The following FAF1 variants were observed in gnomAD, a reference collection of about 807,000 sequenced individuals.
FAF1 encodes FAS-associated factor 1.
In FAF1, 25 loss-of-function variants were observed where a neutral mutation model predicts 92.5. That is an observed-to-expected ratio of 0.27 (90% CI 0.20 to 0.38). The LOEUF is 0.38. FAF1 is among the 10% of genes least tolerant of loss of function. The pLI, the probability that FAF1 is intolerant of heterozygous loss-of-function variation, is 1.00. For synonymous variants in FAF1, 234 were observed against 273.2 expected (o/e 0.86, Z 1.42); for missense variants, 636 against 793.3 (o/e 0.80, Z 2.38).
Position 50,612,785 on chromosome 1 carries a change from A to T in FAF1, c.745-16569T>A, listed in dbSNP as rs1652738619. Among the ~76,000 whole-genome samples, 3 of 152,242 alleles carry T rather than the reference A, an allele frequency of 2.0e-5. No individual in the cohort carries two copies. In the South Asian group the frequency reaches 6.2e-4, roughly 32 times the overall value. ...ACACCAGCATAAATGGGTACTATCTAGAAACAAGAAAAAGTAATTTCACCT... is the reference window on the plus strand; with the variant it reads ...ACACCAGCATAAATGGGTACTATCTTGAAACAAGAAAAAGTAATTTCACCT... On this transcript the variant is annotated intron_variant, in intron 8 of 18. Transcript: ENST00000396153.
intron 2 of FAF1, among the ~76,000 whole-genome samples, chr1:50,804,235 A>G (rs1662107170): frequency 6.6e-6 from 1 of 152,214 alleles, no homozygotes; most frequent in Non-Finnish European, 1.5e-5. Context: ...AATTCAGCTA[A>G]TACCAAAATG....
chr1:50,541,351 C>T (rs1360775613), intron 13 of FAF1, among the ~76,000 whole-genome samples: 1 of 152,116 alleles, frequency 6.6e-6, no homozygotes, highest in Non-Finnish European at 1.5e-5. Flanking sequence ...ATATCAGTGC[C>T]ACCATCAAAA....
At chr1:50,641,684 T>A (rs1654336324) in intron 8 of FAF1, among the ~76,000 whole-genome samples, 1 of 152,188 alleles carries the variant, frequency 6.6e-6, no homozygotes, top group Non-Finnish European at 1.5e-5. Context: ...TCTACAAATT[T>A]AAATTAGGCA....
rs774276657 is a variant in FAF1, at chr1:50,584,727, C to A, written c.925G>T (p.Val309Leu). Residue 309 changes from valine (V) to leucine (L), a missense_variant, in exon 10 of 19, where the codon GTA (valine) becomes TTA (leucine). By Grantham distance (32) the Val-to-Leu change is conservative. Transcript: ENST00000396153. ...AAGGCAGATGACGCCATGCCAAATA[C>A]TTCTCCATCATCCACCCCAAATTCT... ...ATEFGVDDGEVFGMASSALRK... is the reference protein window; with the variant it reads ...ATEFGVDDGELFGMASSALRK... 6.2e-7 allele frequency: 1 copy of A among 1,613,716 alleles called. No individual in the cohort carries two copies. The highest frequency in any genetic ancestry group is 8.5e-7 in the Non-Finnish European group (1 of 1,179,708).
chr1:50,742,599 A>T (rs566324309), intron 5 of FAF1, among the ~76,000 whole-genome samples: 1 of 152,186 alleles, frequency 6.6e-6, no homozygotes, highest in South Asian at 2.1e-4. Flanking sequence ...GTCCAGGCTG[A>T]TCTCAGACTC....
In FAF1 at chr1:50,836,528, T is replaced by A. The variant is rs373623036; in HGVS notation, c.114+21401A>T. Among the ~76,000 whole-genome samples the A allele has an allele frequency of 1.4e-4, 22 of 152,266 alleles. 1 individual carries two copies. The East Asian group carries it at 4.2e-3, about 29-fold the overall frequency. On this transcript the variant is annotated intron_variant, in intron 2 of 18. Coordinates refer to ENST00000396153, the MANE Select transcript of FAF1 (RefSeq NM_007051.3). ...CAGTTTATTCTTTGTGGAGATTTTG[T>A]CCCCAGCTTTTTAAAAAAATTTCCA...
chr1:50,687,140 A>G (rs1317860596), intron 7 of FAF1, among the ~76,000 whole-genome samples: 2 of 152,058 alleles, frequency 1.3e-5, no homozygotes, highest in Non-Finnish European at 2.9e-5. Flanking sequence ...GAAACTTGGC[A>G]TTTTTATATT....
At chr1:50,452,669 GTTAGGT>G (rs572865128) in intron 18 of FAF1, among the ~76,000 whole-genome samples, 19 of 152,284 alleles carry the variant, frequency 1.2e-4, no homozygotes, top group Non-Finnish European at 2.5e-4. Context: ...CTGTTTTCTG[GTTAGGT>G]TTAGAACTGT....
intron 7 of FAF1, among the ~76,000 whole-genome samples, chr1:50,687,498 C>T (rs1208255643): frequency 6.6e-6 from 1 of 152,088 alleles, no homozygotes; most frequent in African/African-American, 2.4e-5. Context: ...GCCTGTAATT[C>T]CAGCACTTTG....
At chr1:50,713,677 G>A (rs1387111527) in intron 6 of FAF1, among the ~76,000 whole-genome samples, 1 of 151,944 alleles carries the variant, frequency 6.6e-6, no homozygotes, top group Non-Finnish European at 1.5e-5. Context: ...TGTTGACCAT[G>A]CTAGTCTCCT....
intron 18 of FAF1, among the ~76,000 whole-genome samples, chr1:50,447,812 A>T (rs984944687): frequency 6.6e-6 from 1 of 152,198 alleles, no homozygotes; most frequent in African/African-American, 2.4e-5. Flanking sequence ...CCCTTCAGTT[A>T]TAGACTATGT....
intron 7 of FAF1, among the ~76,000 whole-genome samples, chr1:50,690,619 A>AC (rs1319867718): frequency 2.0e-5 from 3 of 152,146 alleles, no homozygotes; most frequent in Non-Finnish European, 2.9e-5. Flanking sequence ...AAACAAACAA[A>AC]AAAAACTGTT....
intron 1 of FAF1, among the ~76,000 whole-genome samples, chr1:50,865,764 A>C (rs1002854050): frequency 6.9e-5 from 10 of 145,780 alleles, no homozygotes; most frequent in African/African-American, 2.3e-4. Flanking sequence ...GGTGCAGCAC[A>C]CCAGCATGGC....
chr1:50,773,385 G>A (rs113858959), intron 4 of FAF1, among the ~76,000 whole-genome samples: 1 of 152,268 alleles, frequency 6.6e-6, no homozygotes, highest in African/African-American at 2.4e-5. Flanking sequence ...TTCCCTGTTC[G>A]TTGCAGGATT....
chr1:50,745,796 A>T (rs936621753), intron 4 of FAF1, among the ~76,000 whole-genome samples: 6 of 152,218 alleles, frequency 3.9e-5, no homozygotes, highest in African/African-American at 1.4e-4. Flanking sequence ...AACAGAGAGA[A>T]TTGCTACTGA....
intron 15 of FAF1, among the ~76,000 whole-genome samples, chr1:50,520,439 T>A (rs1465659327): frequency 6.6e-6 from 1 of 152,220 alleles, no homozygotes; most frequent in Non-Finnish European, 1.5e-5. Context: ...TGGACCAACA[T>A]GAATTCAACT....
At position 50,827,117 on chromosome 1, in the gene FAF1, C is replaced by G. The variant is rs555993202; in HGVS notation, c.115-25440G>C. On this transcript the variant is annotated intron_variant, in intron 2 of 18. Transcript: ENST00000396153. ...CGGCCACCCCATCTGGGAGGTGTACCCAACAGCTCCAAAGAGACAGCAACC... is the reference window on the plus strand; with the variant it reads ...CGGCCACCCCATCTGGGAGGTGTACGCAACAGCTCCAAAGAGACAGCAACC... 5.9e-5 allele frequency among the ~76,000 whole-genome samples: 9 copies of G among 152,090 alleles called. No individual in the cohort carries two copies. The South Asian group carries it at 1.9e-3, about 32-fold the overall frequency.
In FAF1 at chr1:50,786,591, T is replaced by A. The variant is rs1429771707; in HGVS notation, c.367+1409A>T. 3.9e-5 allele frequency among the ~76,000 whole-genome samples: 6 copies of A among 152,324 alleles called. No individual in the cohort carries two copies. In the South Asian group the frequency reaches 8.3e-4, roughly 21 times the overall value. On this transcript the variant is annotated intron_variant, in intron 4 of 18. Transcript: ENST00000396153. ...TCATATTATGTGTTTTTTACCAAAA[T>A]TTTTTTAAATAAAAAACAATCTACA...
chr1:50,844,956 T>G (rs1238321671), intron 2 of FAF1, among the ~76,000 whole-genome samples: 1 of 152,036 alleles, frequency 6.6e-6, no homozygotes, highest in African/African-American at 2.4e-5. Context: ...AAATAAAGGT[T>G]TAATAAAATA....
Sources: gnomAD v4.1 joint callset for allele counts (sites outside exome capture counted in the v4.1 genomes callset) on GRCh38, gnomAD v4.1.1 for gene constraint, MANE v1.5 for transcripts, NCBI Gene and HGNC (gene_info 2026-07-23, HGNC 2026-07-21) for gene names.